Variants in CCSER2 observed in about 807,000 individuals in gnomAD.
The protein encoded by CCSER2 is serine-rich coiled-coil domain-containing protein 2.
CCSER2 carries 46 observed loss-of-function variants against 92.3 expected under a neutral mutation model. The observed-to-expected ratio is 0.50, with a 90% CI of 0.39 to 0.64. CCSER2 has a LOEUF of 0.64. Among genes scored for constraint, CCSER2 ranks in the 30% least tolerant of loss-of-function variants. The pLI is 0.00. For synonymous variants in CCSER2, 433 were observed against 431.4 expected, an observed-to-expected ratio of 1.00 and a Z score of -0.04; for missense variants, 1,244 against 1,238.9, an observed-to-expected ratio of 1.00 and a Z score of -0.06.
chr10:84,370,938 G>A, intron 1 of CCSER2, 76 bp from the exon 2 acceptor site: 1 of 671,826 alleles, frequency 1.5e-6, no homozygotes, highest in Non-Finnish European at 2.3e-6. Flanking sequence ...AAAAGTGTAA[G>A]TATCATATTA....
intron 1 of CCSER2, among the ~76,000 whole-genome samples, chr10:84,356,541 T>C (rs1478125220): frequency 6.6e-6 from 1 of 152,192 alleles, no homozygotes; most frequent in Non-Finnish European, 1.5e-5. Context: ...TTTAAAAAAA[T>C]GTTTTATGCC....
intron 8 of CCSER2, among the ~76,000 whole-genome samples, chr10:84,472,617 C>T (rs988096721): frequency 4.6e-5 from 7 of 151,944 alleles, no homozygotes; most frequent in South Asian, 2.1e-4. Context: ...AAATTATTCT[C>T]ATCAAAAATA....
chr10:84,445,443 G>A (rs2184720), intron 6 of CCSER2, among the ~76,000 whole-genome samples: 11,648 of 152,278 alleles, frequency 0.076, 503 homozygotes, highest in Middle Eastern at 0.12. Context: ...GTGAGCCACC[G>A]CACCTGGCCG....
chr10:84,436,633 T>TGA (rs1844171441), intron 5 of CCSER2, among the ~76,000 whole-genome samples: 1 of 56,962 alleles, frequency 1.8e-5, no homozygotes, highest in Non-Finnish European at 3.6e-5. Flanking sequence ...AGACTCCGTC[T>TGA]CAAAAAAAAA....
At chr10:84,437,994 T>G (rs1214857895) in intron 5 of CCSER2, among the ~76,000 whole-genome samples, 2 of 152,088 alleles carry the variant, frequency 1.3e-5, no homozygotes, top group Non-Finnish European at 2.9e-5. Context: ...TAAGTAACCT[T>G]TATTGGAAAA....
At chr10:84,462,478 A>T (rs193082994) in intron 6 of CCSER2, among the ~76,000 whole-genome samples, 4 of 152,294 alleles carry the variant, frequency 2.6e-5, no homozygotes, top group Admixed American at 1.3e-4. Flanking sequence ...AGGACTGGCG[A>T]TGCTTTTATA....
chr10:84,364,736 A>AT (rs754215030), intron 1 of CCSER2, among the ~76,000 whole-genome samples: 51 of 114,620 alleles, frequency 4.4e-4, no homozygotes, highest in Non-Finnish European at 6.9e-4. Context: ...GTATTTTTGA[A>AT]TTTTTTTTTG....
At chr10:84,393,902 G>A (rs1337373809) in intron 3 of CCSER2, 1 of 152,196 alleles carries the variant, frequency 6.6e-6, no homozygotes, top group Non-Finnish European at 1.5e-5. Context: ...TGGTCCTAAT[G>A]TAGGTAAATA....
At chr10:84,406,147 G>T (rs1334634601) in intron 3 of CCSER2, among the ~76,000 whole-genome samples, 1 of 152,194 alleles carries the variant, frequency 6.6e-6, no homozygotes, top group Non-Finnish European at 1.5e-5. Context: ...ATTATGCCGA[G>T]TGAATGAAGT....
intron 6 of CCSER2, among the ~76,000 whole-genome samples, chr10:84,451,633 T>C (rs1845296377): frequency 6.6e-6 from 1 of 152,210 alleles, no homozygotes; most frequent in Non-Finnish European, 1.5e-5. Context: ...CAGGAAGGGA[T>C]ATCTGGGTTC....
chr10:84,429,706 A>T (rs1843656489), intron 5 of CCSER2, among the ~76,000 whole-genome samples: 1 of 147,364 alleles, frequency 6.8e-6, no homozygotes, highest in East Asian at 2.0e-4. Context: ...TTAGTTTATC[A>T]TATCTGTAGT....
intron 1 of CCSER2, among the ~76,000 whole-genome samples, chr10:84,353,483 A>G (rs1252890538): frequency 6.6e-6 from 1 of 152,198 alleles, no homozygotes; most frequent in Admixed American, 6.5e-5. Flanking sequence ...AATTACTTGT[A>G]TTGCTCAAGT....
intron 3 of CCSER2, among the ~76,000 whole-genome samples, chr10:84,406,700 T>C (rs1471311051): frequency 6.6e-6 from 1 of 152,158 alleles, no homozygotes; most frequent in Non-Finnish European, 1.5e-5. Flanking sequence ...GGAAAACAGG[T>C]CTATATGGAT....
chr10:84,430,989 G>A (rs1298548312), intron 5 of CCSER2, among the ~76,000 whole-genome samples: 1 of 151,910 alleles, frequency 6.6e-6, no homozygotes, highest in African/African-American at 2.4e-5. Context: ...GAGCAGCTTT[G>A]GGTTTACAGA....
At chr10:84,440,916 A>G (rs1297425532) in intron 6 of CCSER2, among the ~76,000 whole-genome samples, 1 of 152,198 alleles carries the variant, frequency 6.6e-6, no homozygotes, top group Non-Finnish European at 1.5e-5. Flanking sequence ...ATTCTGATCC[A>G]TTGTACATTG....
At chr10:84,440,467 T>C (rs1044227609) in intron 6 of CCSER2, among the ~76,000 whole-genome samples, 2 of 152,286 alleles carry the variant, frequency 1.3e-5, no homozygotes, top group Middle Eastern at 3.4e-3. Flanking sequence ...TATATAGTTT[T>C]CAAAAAAATT....
In CCSER2 at chr10:84,373,750, G is replaced by A. The variant is rs1431246785; in HGVS notation, c.1549G>A (p.Gly517Ser). ...SDGTYMWDEE[G>S]LEPIGNVHPV... The stretch of plus-strand genomic sequence containing the variant: ...TGGAACATACATGTGGGATGAAGAA[G>A]GCTTGGAACCCATTGGAAATGTCCA... The change falls in exon 3 of 10, where the codon GGC (glycine) becomes AGC (serine). Residue 517 changes from glycine to serine, a missense_variant. Transcript: ENST00000372088. 1 of 1,613,612 alleles carries A rather than the reference G, an allele frequency of 6.2e-7. No homozygotes were observed. Among genetic ancestry groups the A allele is most frequent in the African/African-American group, 1.3e-5 (1 of 74,900 alleles).
intron 6 of CCSER2, among the ~76,000 whole-genome samples, chr10:84,449,796 G>A (rs772062176): frequency 2.0e-5 from 3 of 152,146 alleles, no homozygotes; most frequent in African/African-American, 2.4e-5. Context: ...GCGGTGAGCT[G>A]AGATCGCGCC....
rs573977798 is a variant in CCSER2, at chr10:84,404,327, G to C, written c.1615-13444G>C. On this transcript the variant is annotated intron_variant, in intron 3 of 9. Coordinates refer to ENST00000372088, the MANE Select transcript of CCSER2 (RefSeq NM_001284240.2). ...GGGGAAGCAGGTTGGAGTATTCTCA[G>C]CTTACTAACAAAGTTGTTTAAGGAG... 1.1e-4 allele frequency among the ~76,000 whole-genome samples: 16 copies of C among 152,300 alleles called. No individual in the cohort carries two copies. In the South Asian group the frequency reaches 3.3e-3, roughly 32 times the overall value.
Sources: allele counts gnomAD v4.1 joint callset (sites outside exome capture counted in the v4.1 genomes callset), GRCh38; gene constraint gnomAD v4.1.1; transcripts MANE v1.5; gene names NCBI Gene and HGNC (gene_info 2026-07-23, HGNC 2026-07-21).